CLINT1: variants seen among roughly 807,000 people sequenced by gnomAD.
CLINT1 encodes the protein clathrin interacting protein localized in the trans-Golgi region.
Under a neutral mutation model 70.4 loss-of-function variants are expected in CLINT1, and 15 were observed. The observed-to-expected ratio is 0.21, with a 90% CI of 0.14 to 0.33. The LOEUF (loss-of-function observed/expected upper bound fraction) is 0.33, where lower values mean the gene tolerates loss of function less well. Among genes scored for constraint, CLINT1 ranks in the 10% least tolerant of loss-of-function variants. The pLI is 1.00. For synonymous variants in CLINT1, 227 were observed against 254.7 expected (o/e 0.89, Z 1.04); for missense variants, 615 against 778.1 (o/e 0.79, Z 2.49).
intron 1 of CLINT1, among the ~76,000 whole-genome samples, chr5:157,829,958 C>CGTGTTTTACTTTTTTT (rs2113259647): frequency 6.6e-6 from 1 of 151,902 alleles, no homozygotes; most frequent in East Asian, 2.0e-4. Context: ...CCCTTTTCTT[C>CGTGTTTTACTTTTTTT]TTTCTTTAGA....
intron 7 of CLINT1, 59 bp from the exon 8 acceptor site, chr5:157,803,778 C>T (rs889657256): frequency 1.7e-6 from 2 of 1,201,568 alleles, no homozygotes; most frequent in African/African-American, 1.5e-5. Flanking sequence ...AAAATCAGCT[C>T]TATCCATCTC....
chr5:157,849,552 G>A (rs1001958176), intron 1 of CLINT1, among the ~76,000 whole-genome samples: 1 of 152,172 alleles, frequency 6.6e-6, no homozygotes, highest in African/African-American at 2.4e-5. Context: ...AGGTATGCCT[G>A]TATAACAATT....
At chr5:157,820,623 G>A (rs1203453566) in intron 1 of CLINT1, among the ~76,000 whole-genome samples, 1 of 151,992 alleles carries the variant, frequency 6.6e-6, no homozygotes, top group South Asian at 2.1e-4. Context: ...TTCTAAAAAG[G>A]TAGAAATGGC....
intron 1 of CLINT1, among the ~76,000 whole-genome samples, chr5:157,830,196 C>T (rs1763179244): frequency 6.6e-6 from 1 of 152,180 alleles, no homozygotes; most frequent in Non-Finnish European, 1.5e-5. Context: ...GATCCACCCA[C>T]CTCTGCCTTC....
intron 1 of CLINT1, among the ~76,000 whole-genome samples, chr5:157,837,629 A>T (rs1018692078): frequency 2.3e-4 from 34 of 149,836 alleles, no homozygotes; most frequent in African/African-American, 7.9e-4. Context: ...TCTTGCCAGC[A>T]AATTTCTCAA....
chr5:157,817,328 T>G, intron 2 of CLINT1, 115 bp downstream of exon 2: 1 of 661,232 alleles, frequency 1.5e-6, no homozygotes, highest in African/African-American at 1.8e-5. Context: ...TCTGAATGAT[T>G]ATGCAAAATT....
intron 6 of CLINT1, among the ~76,000 whole-genome samples, chr5:157,806,994 A>AAG (rs937685179): frequency 5.4e-5 from 8 of 146,852 alleles, no homozygotes; most frequent in South Asian, 2.2e-4. Flanking sequence ...GAGAGAGCGA[A>AAG]AGAGAGAGAA....
At chr5:157,829,243 G>T (rs1353699280) in intron 1 of CLINT1, among the ~76,000 whole-genome samples, 1 of 152,176 alleles carries the variant, frequency 6.6e-6, no homozygotes, top group African/African-American at 2.4e-5. Context: ...CAACAGGAAA[G>T]ACTGGGAATG....
chr5:157,851,776 T>C (rs1753585571), intron 1 of CLINT1, among the ~76,000 whole-genome samples: 1 of 152,176 alleles, frequency 6.6e-6, no homozygotes, highest in Admixed American at 6.5e-5. Flanking sequence ...TGTGCACTGT[T>C]GCACATTAAC....
At chr5:157,835,861 T>C (rs1763404345) in intron 1 of CLINT1, among the ~76,000 whole-genome samples, 4 of 152,182 alleles carry the variant, frequency 2.6e-5, no homozygotes, top group East Asian at 1.9e-4. Context: ...CTGTGTCCCA[T>C]AGAAAGATTT....
Position 157,797,257 on chromosome 5 carries a change from TAATC to T in CLINT1, c.1013-2289_1013-2286del, listed in dbSNP as rs59971922. Among the ~76,000 whole-genome samples the T allele has an allele frequency of 3.3e-5, 5 of 152,364 alleles. No homozygotes were observed. The East Asian group carries it at 9.6e-4, about 29-fold the overall frequency. On this transcript the variant is annotated intron_variant, in intron 8 of 11. Coordinates refer to ENST00000411809, the MANE Select transcript of CLINT1 (RefSeq NM_014666.4). ...TACTGTTGGGTAACAGAATGATAGT[TAATC>T]AATTAATATAACATTAAGGGATTTA...
chr5:157,794,723 AT>A (rs770755501), intron 9 of CLINT1, among the ~76,000 whole-genome samples, 174 bp downstream of exon 9: 1 of 152,252 alleles, frequency 6.6e-6, no homozygotes, highest in Non-Finnish European at 1.5e-5. Flanking sequence ...AAAATAATTC[AT>A]TTGGCACATT....
At chr5:157,831,693 CTTT>C (rs35629225) in intron 1 of CLINT1, among the ~76,000 whole-genome samples, 7 of 123,914 alleles carry the variant, frequency 5.6e-5, no homozygotes, top group African/African-American at 6.2e-5. Context: ...TGAAAATATC[CTTT>C]TTTTTTTTTT....
chr5:157,816,595 A>G, intron 3 of CLINT1, 139 bp downstream of exon 3: 1 of 573,560 alleles, frequency 1.7e-6, no homozygotes, highest in Non-Finnish European at 3.0e-6. Context: ...CACAAATAAC[A>G]AATCTACTTC....
At chr5:157,829,559 TG>T (rs1763155230) in intron 1 of CLINT1, among the ~76,000 whole-genome samples, 1 of 152,092 alleles carries the variant, frequency 6.6e-6, no homozygotes, top group Non-Finnish European at 1.5e-5. Context: ...TCGTTCCAAT[TG>T]CCCAGGCTGG....
At chr5:157,856,984 G>A (rs1213339859) in intron 1 of CLINT1, among the ~76,000 whole-genome samples, 1 of 152,116 alleles carries the variant, frequency 6.6e-6, no homozygotes, top group Non-Finnish European at 1.5e-5. Context: ...TCTGTCTTAC[G>A]AACAATGTAC....
At chr5:157,858,438 AGAG>A (rs1255287058) in intron 1 of CLINT1, among the ~76,000 whole-genome samples, 1 of 152,228 alleles carries the variant, frequency 6.6e-6, no homozygotes, top group African/African-American at 2.4e-5. Flanking sequence ...TTAGGAATTA[AGAG>A]GAGGCAAGGA....
At chr5:157,849,980 G>A (rs775726959) in intron 1 of CLINT1, among the ~76,000 whole-genome samples, 2 of 152,192 alleles carry the variant, frequency 1.3e-5, no homozygotes, top group Non-Finnish European at 2.9e-5. Context: ...ATGAATACAT[G>A]TAACAGAGGA....
At chr5:157,847,678 G>A (rs1049508524) in intron 1 of CLINT1, among the ~76,000 whole-genome samples, 1 of 152,196 alleles carries the variant, frequency 6.6e-6, no homozygotes, top group African/African-American at 2.4e-5. Context: ...AGCGGAGCCT[G>A]AAGATGTGAC....
Sources: gnomAD v4.1 joint callset for allele counts (sites outside exome capture counted in the v4.1 genomes callset) on GRCh38, gnomAD v4.1.1 for gene constraint, MANE v1.5 for transcripts, NCBI Gene and HGNC (gene_info 2026-07-23, HGNC 2026-07-21) for gene names.